Variants in UBA6 observed in about 807,000 individuals in gnomAD.
UBA6 encodes the protein ubiquitin like modifier activating enzyme 6.
Under a neutral mutation model 148.3 loss-of-function variants are expected in UBA6, and 87 were observed. That is an observed-to-expected ratio of 0.59 (90% CI 0.49 to 0.70). UBA6 has a LOEUF of 0.70. Ranked by LOEUF, UBA6 falls within the 30% of genes least tolerant of loss-of-function variation. The pLI is 0.00. For synonymous variants in UBA6, 376 were observed against 401.0 expected (o/e 0.94, Z 0.75); for missense variants, 1,186 against 1,241.2 (o/e 0.96, Z 0.67).
intron 32 of UBA6, among the ~76,000 whole-genome samples, chr4:67,622,251 C>T (rs1245911857): frequency 6.6e-6 from 1 of 152,232 alleles, no homozygotes; most frequent in African/African-American, 2.4e-5. Context: ...TCCACCTTAA[C>T]AGGTGAGACT....
At chr4:67,622,113 A>G (rs1728765573) in intron 32 of UBA6, among the ~76,000 whole-genome samples, 1 of 152,232 alleles carries the variant, frequency 6.6e-6, no homozygotes, top group Non-Finnish European at 1.5e-5. Context: ...TGTAGCTGGA[A>G]TATTGTGAAG....
intron 2 of UBA6, among the ~76,000 whole-genome samples, chr4:67,687,039 T>C (rs529953250): frequency 1.4e-5 from 2 of 144,714 alleles, no homozygotes; most frequent in African/African-American, 2.6e-5. Flanking sequence ...ACTATGTTTT[T>C]TTTTTTTTTT....
At chr4:67,668,475 T>C in intron 9 of UBA6, 76 bp downstream of exon 9, 5 of 1,376,680 alleles carry the variant, frequency 3.6e-6, no homozygotes, top group Non-Finnish European at 5.1e-6. Context: ...GTTGACATTC[T>C]GTTCCCAACA....
At chr4:67,636,608 G>A (rs1011690832) in intron 19 of UBA6, among the ~76,000 whole-genome samples, 1 of 152,226 alleles carries the variant, frequency 6.6e-6, no homozygotes, top group African/African-American at 2.4e-5. Flanking sequence ...TGGCCGGGCT[G>A]GTCTCCAGCT....
intron 20 of UBA6, 124 bp from the exon 21 acceptor site, chr4:67,634,642 T>C (rs1044914823): frequency 3.4e-6 from 2 of 589,154 alleles, no homozygotes; most frequent in Non-Finnish European, 5.6e-6. Context: ...CAACCAGACA[T>C]TTTTATATCT....
At chr4:67,639,602 ATTAT>A (rs961677005) in intron 18 of UBA6, among the ~76,000 whole-genome samples, 4 of 152,132 alleles carry the variant, frequency 2.6e-5, no homozygotes, top group Admixed American at 2.0e-4. Flanking sequence ...ATTTTCAGAA[ATTAT>A]TTGTGTTCCA....
At chr4:67,676,124 A>G (rs895727758) in intron 6 of UBA6, among the ~76,000 whole-genome samples, 8 of 150,980 alleles carry the variant, frequency 5.3e-5, no homozygotes, top group Admixed American at 5.3e-4. Context: ...CCCGGGTTCA[A>G]GCGATTCTCC....
intron 2 of UBA6, among the ~76,000 whole-genome samples, chr4:67,695,052 A>C (rs976224066): frequency 6.6e-6 from 1 of 152,250 alleles, no homozygotes; most frequent in African/African-American, 2.4e-5. Flanking sequence ...TCACTGGCCT[A>C]CTGAAAATTA....
chr4:67,664,542 T>G (rs1457951225), intron 10 of UBA6, among the ~76,000 whole-genome samples: 2 of 151,984 alleles, frequency 1.3e-5, no homozygotes, highest in Non-Finnish European at 2.9e-5. Context: ...CCTTGAGAAC[T>G]TGTAAGAAAA....
At chr4:67,644,578 T>G (rs1729377218) in intron 17 of UBA6, 120 bp downstream of exon 17, 1 of 597,646 alleles carries the variant, frequency 1.7e-6, no homozygotes, top group Non-Finnish European at 3.0e-6. Flanking sequence ...AATCTTCCAA[T>G]TTTTAGTTTA....
Position 67,633,280 on chromosome 4 carries a change from A to T in UBA6, c.2142+65T>A, listed in dbSNP as rs1729043335. The stretch of plus-strand genomic sequence containing the variant: ...ATACACATTTCAGGTCAATGAAATT[A>T]ATTTGTTAATAACTAAATAAGCCAA... On this transcript the variant is annotated intron_variant, in intron 23 of 32. Coordinates refer to ENST00000322244, the MANE Select transcript of UBA6 (RefSeq NM_018227.6). 3.7e-6 allele frequency: 5 copies of T among 1,368,988 alleles called. No homozygotes were observed. In the African/African-American group the frequency reaches 5.9e-5, roughly 16 times the overall value. The allele number at this position is 1,368,988 out of a possible 1,614,324, so 84.8% of individuals were successfully genotyped here.
intron 13 of UBA6, among the ~76,000 whole-genome samples, chr4:67,654,476 C>A (rs149757563): frequency 0.019 from 2,950 of 152,216 alleles, 72 homozygotes; most frequent in East Asian, 0.1. Flanking sequence ...CCTTTACAGA[C>A]AAGCAAATAC....
At chr4:67,641,561 C>T (rs1417234863) in intron 17 of UBA6, among the ~76,000 whole-genome samples, 1 of 152,078 alleles carries the variant, frequency 6.6e-6, no homozygotes, top group Non-Finnish European at 1.5e-5. Flanking sequence ...GCTCTTCTTT[C>T]TAAACTGGTA....
rs565418788 is a variant in UBA6 at position 67,668,442 on chromosome 4, G to A, written c.793+109C>T. The A allele has an allele frequency of 6.9e-6, 7 of 1,018,484 alleles. No homozygotes were observed. In the South Asian group the frequency reaches 9.8e-5, roughly 14 times the overall value. 63.1% of individuals were successfully genotyped at this position (1,018,484 alleles called of 1,614,324 possible). ...TTGGATCGAATATTTTGAGGCCAAG[G>A]GCTTTGGATCATGTCTCTCTGAGTT... On this transcript the variant is annotated intron_variant, in intron 9 of 32. Transcript: ENST00000322244.
At chr4:67,622,996 T>G in intron 31 of UBA6, 71 bp from the exon 32 acceptor site, 2 of 1,407,630 alleles carry the variant, frequency 1.4e-6, no homozygotes, top group South Asian at 1.3e-5. Flanking sequence ...TTAACATTGT[T>G]CGTAAACAAT....
intron 2 of UBA6, among the ~76,000 whole-genome samples, chr4:67,690,543 T>C (rs1362260400): frequency 1.3e-5 from 2 of 152,148 alleles, no homozygotes; most frequent in African/African-American, 4.8e-5. Context: ...AAACCATGTA[T>C]GTGATAAGGG....
At chr4:67,681,116 T>C (rs1302063203) in intron 4 of UBA6, among the ~76,000 whole-genome samples, 2 of 152,174 alleles carry the variant, frequency 1.3e-5, no homozygotes, top group African/African-American at 4.8e-5. Flanking sequence ...TTGCTTAAGC[T>C]ACAAATTTTG....
chr4:67,635,754 G>GTTGTTCAATC (rs1729124501), intron 19 of UBA6, among the ~76,000 whole-genome samples, 196 bp from the exon 20 acceptor site: 1 of 152,108 alleles, frequency 6.6e-6, no homozygotes, highest in Admixed American at 6.5e-5. Context: ...TATACATCTA[G>GTTGTTCAATC]TAGTACCCTA....
At chr4:67,669,646 G>A (rs1026839754) in intron 8 of UBA6, among the ~76,000 whole-genome samples, 1 of 152,242 alleles carries the variant, frequency 6.6e-6, no homozygotes, top group African/African-American at 2.4e-5. Context: ...GCATGATCAA[G>A]AGTGCGGTTA....
Sources: allele counts gnomAD v4.1 joint callset (sites outside exome capture counted in the v4.1 genomes callset), GRCh38; gene constraint gnomAD v4.1.1; transcripts MANE v1.5; gene names NCBI Gene and HGNC (gene_info 2026-07-23, HGNC 2026-07-21).